DNER: variants seen among roughly 807,000 people sequenced by gnomAD.
DNER encodes the protein delta and Notch-like epidermal growth factor-related receptor.
In DNER, 33 loss-of-function variants were observed where a neutral mutation model predicts 78.2. The observed-to-expected ratio is 0.42, with a 90% CI of 0.32 to 0.56. DNER has a LOEUF of 0.56. DNER is among the 20% of genes least tolerant of loss of function. The probability of loss-of-function intolerance (pLI) is 0.11; values close to 1 mark genes in which losing one functional copy is unlikely to be tolerated. For synonymous variants in DNER, 417 were observed against 384.8 expected (o/e 1.08, Z -0.98); for missense variants, 918 against 975.3 (o/e 0.94, Z 0.78).
At chr2:229,421,620 C>T (rs1389665631) in intron 8 of DNER, among the ~76,000 whole-genome samples, 2 of 122,182 alleles carry the variant, frequency 1.6e-5, no homozygotes, top group Non-Finnish European at 3.3e-5. Flanking sequence ...AAAAAACATA[C>T]AACATGAAAT....
intron 1 of DNER, among the ~76,000 whole-genome samples, chr2:229,664,175 T>C (rs1166342760): frequency 6.6e-6 from 1 of 152,240 alleles, no homozygotes; most frequent in East Asian, 1.9e-4. Flanking sequence ...AGATTTCTGT[T>C]CAATGCTGAT....
intron 1 of DNER, among the ~76,000 whole-genome samples, chr2:229,640,928 G>C (rs903628703): frequency 5.9e-5 from 9 of 152,198 alleles, no homozygotes; most frequent in Admixed American, 1.3e-4. Context: ...TGAGGGAGCT[G>C]AGAGTATGGG....
At chr2:229,562,176 T>C (rs1374235425) in intron 4 of DNER, among the ~76,000 whole-genome samples, 4 of 152,110 alleles carry the variant, frequency 2.6e-5, no homozygotes, top group African/African-American at 9.7e-5. Flanking sequence ...TACAGGCCTG[T>C]AAATAAATCA....
intron 1 of DNER, among the ~76,000 whole-genome samples, chr2:229,646,996 G>T (rs758987783): frequency 6.6e-6 from 1 of 152,122 alleles, no homozygotes. Context: ...GTGAAAACCC[G>T]TCTCTACTAA....
intron 1 of DNER, among the ~76,000 whole-genome samples, chr2:229,599,250 G>A (rs1697782643): frequency 1.3e-5 from 2 of 152,174 alleles, no homozygotes; most frequent in Admixed American, 6.5e-5. Context: ...TAAGAAGGAA[G>A]TAAAGTGGAC....
chr2:229,481,422 C>T (rs946958590), intron 6 of DNER, among the ~76,000 whole-genome samples: 10 of 152,158 alleles, frequency 6.6e-5, no homozygotes, highest in African/African-American at 2.4e-4. Flanking sequence ...CTGTGGCTGG[C>T]TTCAGAAACT....
intron 9 of DNER, among the ~76,000 whole-genome samples, chr2:229,417,508 C>T (rs2106348825): frequency 6.6e-6 from 1 of 152,010 alleles, no homozygotes; most frequent in South Asian, 2.1e-4. Context: ...AGTGAAGATG[C>T]TGGGAAAGGG....
intron 11 of DNER, among the ~76,000 whole-genome samples, chr2:229,370,948 G>A (rs114662865): frequency 0.023 from 3,560 of 152,286 alleles, 134 homozygotes; most frequent in African/African-American, 0.08. Context: ...ACCATACTGG[G>A]CTATGTGCTC....
chr2:229,558,963 T>C (rs1696905380), intron 4 of DNER, among the ~76,000 whole-genome samples: 1 of 152,156 alleles, frequency 6.6e-6, no homozygotes, highest in Non-Finnish European at 1.5e-5. Context: ...TGGAGAGTTT[T>C]AAGCAGGGGA....
rs140265522 is a variant in DNER at position 229,425,673 on chromosome 2, T to A, written c.1487-7443A>T. The stretch of plus-strand genomic sequence containing the variant: ...TGTTTGCTCACAGGAGTACTTTCCC[T>A]CTCCCCGCCCGTCCCTCATCACACT... On this transcript the variant is annotated intron_variant, in intron 8 of 12. Coordinates refer to ENST00000341772, the MANE Select transcript of DNER (RefSeq NM_139072.4). 3.7e-3 allele frequency among the ~76,000 whole-genome samples: 561 copies of A among 152,196 alleles called. 5 individuals carry two copies. The highest frequency in any genetic ancestry group is 0.013 in the African/African-American group (539 of 41,504).
rs201317073 is a variant in DNER, at chr2:229,449,059, C to A, written c.1262-1519G>T. 2.0e-5 allele frequency among the ~76,000 whole-genome samples: 3 copies of A among 152,040 alleles called. No homozygotes were observed. The East Asian group carries it at 5.8e-4, about 29-fold the overall frequency. On this transcript the variant is annotated intron_variant, in intron 7 of 12. Transcript: ENST00000341772. ...AGTATAGAAATATAAAATTATCCTCCAAAAAAATCCAATGCTATTCAGCAT... is the reference window on the plus strand; with the variant it reads ...AGTATAGAAATATAAAATTATCCTCAAAAAAAATCCAATGCTATTCAGCAT...
chr2:229,623,383 C>T (rs183900682), intron 1 of DNER, among the ~76,000 whole-genome samples: 259 of 152,208 alleles, frequency 1.7e-3, no homozygotes, highest in African/African-American at 5.9e-3. Flanking sequence ...CCCTCAAATC[C>T]TTGCCTGCTC....
intron 5 of DNER, among the ~76,000 whole-genome samples, chr2:229,525,567 C>T (rs1559157264): frequency 6.6e-6 from 1 of 152,118 alleles, no homozygotes; most frequent in East Asian, 1.9e-4. Flanking sequence ...AAACACTTTG[C>T]ATTTTATTTC....
intron 1 of DNER, among the ~76,000 whole-genome samples, chr2:229,637,922 G>C (rs1030127759): frequency 1.3e-5 from 2 of 152,118 alleles, no homozygotes; most frequent in African/African-American, 4.8e-5. Flanking sequence ...TTACCAAGTT[G>C]CTTTAAGAAA....
chr2:229,675,494 T>C (rs957096302), intron 1 of DNER, among the ~76,000 whole-genome samples: 2 of 152,172 alleles, frequency 1.3e-5, no homozygotes, highest in African/African-American at 2.4e-5. Context: ...AGCAGGAAGC[T>C]GGACTTAAGG....
chr2:229,377,385 C>T (rs1028524257), intron 11 of DNER, among the ~76,000 whole-genome samples: 3 of 152,096 alleles, frequency 2.0e-5, no homozygotes, highest in Non-Finnish European at 4.4e-5. Context: ...CAAAACACAC[C>T]AACACTGCTA....
intron 7 of DNER, among the ~76,000 whole-genome samples, chr2:229,460,996 C>A (rs16826047): frequency 0.28 from 42,054 of 151,952 alleles, 6,184 homozygotes; most frequent in South Asian, 0.39. Flanking sequence ...GATGAGTAAA[C>A]GCATCCCTGT....
intron 7 of DNER, among the ~76,000 whole-genome samples, chr2:229,461,746 A>G (rs1439028596): frequency 6.6e-6 from 1 of 152,072 alleles, no homozygotes; most frequent in Non-Finnish European, 1.5e-5. Flanking sequence ...ATGAAAAACT[A>G]TTTGGTGATG....
At chr2:229,611,805 C>T (rs141291609) in intron 1 of DNER, among the ~76,000 whole-genome samples, 16 of 152,302 alleles carry the variant, frequency 1.1e-4, no homozygotes, top group African/African-American at 3.1e-4. Context: ...TCCTCTAAGA[C>T]GTACTGACAG....
Sources: gnomAD v4.1 joint callset for allele counts (sites outside exome capture counted in the v4.1 genomes callset) on GRCh38, gnomAD v4.1.1 for gene constraint, MANE v1.5 for transcripts, NCBI Gene and HGNC (gene_info 2026-07-23, HGNC 2026-07-21) for gene names.